Variants in HSD11B2 observed in about 807,000 individuals in gnomAD.
The protein encoded by HSD11B2 is 11-beta-hydroxysteroid dehydrogenase type 2.
A neutral mutation model predicts 20.9 loss-of-function variants in HSD11B2; 17 were observed. The ratio of observed to expected loss-of-function variants is 0.81; its 90% confidence interval spans 0.56 to 1.22. The LOEUF is 1.22. HSD11B2 is among the 50% of genes most tolerant of loss of function. The pLI, the probability that HSD11B2 is intolerant of heterozygous loss-of-function variation, is 0.00. For missense variants in HSD11B2, 480 were observed against 563.6 expected (o/e 0.85, Z 1.50); for synonymous variants, 253 against 255.4 (o/e 0.99, Z 0.09).
rs766239000 is a variant in HSD11B2 at position 67,436,720 on chromosome 16, G to A, written c.935G>A (p.Arg312His). ...CATGGGCAGTTCCTGCACTCGCTAC[G>A]CCTGGCCATGTCCGACCTCACCCCA... The part of the protein sequence containing the change: ...HLHGQFLHSL[R>H]LAMSDLTPVV... Residue 312 changes from arginine to histidine, a missense_variant, in exon 5 of 5, where the codon CGC (arginine) becomes CAC (histidine). By Grantham distance (29) the Arg-to-His change is conservative. Transcript: ENST00000326152. This position sits in a 1 kb window ranked among gnomAD's most constrained non-coding sequence, Gnocchi z 5.7. 63 of 1,614,106 alleles carry A rather than the reference G, an allele frequency of 3.9e-5. No homozygotes were observed. Among genetic ancestry groups the A allele is most frequent in the Non-Finnish European group, 4.6e-5 (54 of 1,180,028 alleles).
Position 67,436,496 on chromosome 16 carries a change from T to C in HSD11B2, c.803-92T>C. The C allele has an allele frequency of 6.4e-7, 1 of 1,556,408 alleles. No individual in the cohort carries two copies. The highest frequency in any genetic ancestry group is 8.7e-7 in the Non-Finnish European group (1 of 1,144,812). ...GTCATGGTTTTGGTTGGGGGTGTAG[T>C]TTTGGCTGCAGACCTGGCGCGGGTT... is the stretch of plus-strand genomic sequence containing the variant. On this transcript the variant is annotated intron_variant, in intron 4 of 4. Coordinates refer to ENST00000326152, the MANE Select transcript of HSD11B2 (RefSeq NM_000196.4). This position sits in a 1 kb window ranked among gnomAD's most constrained non-coding sequence, Gnocchi z 5.7.
rs947889561 is a variant in HSD11B2 at position 67,436,782 on chromosome 16, C to T, written c.997C>T (p.Arg333Trp). ...CATCACAGATGCGCTGCTGGCAGCT[C>T]GGCCCCGCCGCCGCTATTACCCCGG... ...DAITDALLAA[R>W]PRRRYYPGQG... The change falls in exon 5 of 5, where the codon CGG becomes TGG. Residue 333 changes from arginine (R) to tryptophan (W), a missense_variant. Physicochemically the swap from Arg to Trp is moderately radical, Grantham distance 101. This residue lies in a region of HSD11B2 where 374 missense variants were observed against 480.9 expected (regional missense o/e 0.78). Coordinates refer to ENST00000326152, the MANE Select transcript of HSD11B2 (RefSeq NM_000196.4). This position sits in a 1 kb window ranked among gnomAD's most constrained non-coding sequence, Gnocchi z 5.7. The T allele has an allele frequency of 7.4e-6, 12 of 1,613,514 alleles. No individual in the cohort carries two copies. Among genetic ancestry groups the T allele is most frequent in the African/African-American group, 6.7e-5 (5 of 74,932 alleles).
In HSD11B2 at chr16:67,431,569, A is replaced by C. The variant is rs1442162505; in HGVS notation, c.265+56A>C. ...TCCAGGCTCGAGGGCGGGACTGGAC[A>C]CTCAACAGGACTGACTCCCCATGGG... is the stretch of plus-strand genomic sequence containing the variant. On this transcript the variant is annotated intron_variant, in intron 1 of 4. Transcript: ENST00000326152. 1.3e-5 allele frequency: 16 copies of C among 1,263,022 alleles called. No individual in the cohort carries two copies. In the African/African-American group the frequency reaches 2.2e-4, roughly 17 times the overall value. 78.2% of individuals were successfully genotyped at this position (1,263,022 alleles called of 1,614,324 possible).
In HSD11B2 at chr16:67,436,477, G is replaced by T; in HGVS notation, c.802+91G>T. The T allele has an allele frequency of 1.3e-6, 2 of 1,541,266 alleles. No homozygotes were observed. Among genetic ancestry groups the T allele is most frequent in the Non-Finnish European group, 1.8e-6 (2 of 1,135,298 alleles). ...AGGTCAGGTTTGATGAATGGTCATGGTTTTGGTTGGGGGTGTAGTTTTGGC... is the reference window on the plus strand; with the variant it reads ...AGGTCAGGTTTGATGAATGGTCATGTTTTTGGTTGGGGGTGTAGTTTTGGC... On this transcript the variant is annotated intron_variant, in intron 4 of 4. Coordinates refer to ENST00000326152, the MANE Select transcript of HSD11B2 (RefSeq NM_000196.4). This position sits in a 1 kb window ranked among gnomAD's most constrained non-coding sequence, Gnocchi z 5.7.
chr16:67,432,369 C>T (rs1323942883), intron 1 of HSD11B2, among the ~76,000 whole-genome samples: 1 of 152,142 alleles, frequency 6.6e-6, no homozygotes, highest in Non-Finnish European at 1.5e-5. Context: ...CCAATACCCA[C>T]GGCTTTGGAC....
chr16:67,435,420 A>T (rs1203339667), intron 1 of HSD11B2: 1 of 660,654 alleles, frequency 1.5e-6, no homozygotes, highest in Non-Finnish European at 2.8e-6. Context: ...AGTCAGGCAG[A>T]TGACAGCTGT....
chr16:67,432,263 G>GT (rs886103353), intron 1 of HSD11B2, among the ~76,000 whole-genome samples: 1 of 152,188 alleles, frequency 6.6e-6, no homozygotes, highest in East Asian at 1.9e-4. Flanking sequence ...AGGGGAAGGG[G>GT]GGGGGGGGCT....
chr16:67,436,951 CAGCCCAGGACCCAAACCTG>C lies in HSD11B2; in HGVS notation c.1172_1190del (p.Gln391ProfsTer72). The C allele has an allele frequency of 6.2e-7, 1 of 1,611,742 alleles. No homozygotes were observed. The highest frequency in any genetic ancestry group is 8.5e-7 in the Non-Finnish European group (1 of 1,180,018). On this transcript the variant is annotated frameshift_variant, in exon 5 of 5. Transcript: ENST00000326152. LOFTEE classifies it high-confidence loss of function. This position sits in a 1 kb window ranked among gnomAD's most constrained non-coding sequence, Gnocchi z 5.7. Reference sequence around the variant, plus strand: ...CCTGGCACTACCCCACCACAGGACGCAGCCCAGGACCCAAACCTGAGCCCCGGCCCTTCCCCAGCAGTGG... The same window carrying C: ...CCTGGCACTACCCCACCACAGGACGCAGCCCCGGCCCTTCCCCAGCAGTGG...
At position 67,437,000 on chromosome 16, in the gene HSD11B2, G is replaced by A. The variant is rs769638876; in HGVS notation, c.1215G>A (p.Arg405=). 1.2e-6 allele frequency: 2 copies of A among 1,607,120 alleles called. No individual in the cohort carries two copies. The highest frequency in any genetic ancestry group is 3.3e-5 in the Admixed American group (2 of 60,002). ...LSPGPSPAVA[R] is the part of the protein sequence containing the mutation. ...CCGGCCCTTCCCCAGCAGTGGCTCG[G>A]TGAGCCATGTGCACCTATGGCCCAG... Residue 405 remains arginine (R), a synonymous_variant, in exon 5 of 5, where the codon CGG becomes CGA. Transcript: ENST00000326152. This position sits in a 1 kb window ranked among gnomAD's most constrained non-coding sequence, Gnocchi z 5.7.
chr16:67,431,386 G>A lies in HSD11B2; in HGVS notation c.138G>A (p.Trp46Ter). The stretch of plus-strand genomic sequence containing the variant: ...TGGCGCTGCTGGCCGCGCTCGACTG[G>A]CTGTGCCAGCGCCTGCTGCCCCCGC... ...AALALLAALD[W>*]LCQRLLPPPA... The change falls in exon 1 of 5, where the codon TGG becomes TGA. Residue 46 changes from tryptophan (W) to a stop codon, truncating the protein, a stop_gained. Coordinates refer to ENST00000326152, the MANE Select transcript of HSD11B2 (RefSeq NM_000196.4). LOFTEE classifies it high-confidence loss of function. 7.9e-7 allele frequency: 1 copy of A among 1,270,230 alleles called. No individual in the cohort carries two copies. Among genetic ancestry groups the A allele is most frequent in the Non-Finnish European group, 1.0e-6 (1 of 1,004,132 alleles). The allele number at this position is 1,270,230 out of a possible 1,614,324, so 78.7% of individuals were successfully genotyped here. A position where few individuals can be genotyped will look rare whatever the true frequency, so the allele number is the denominator to read the frequency against.
At position 67,436,546 on chromosome 16, in the gene HSD11B2, C is replaced by A. The variant is rs772668004; in HGVS notation, c.803-42C>A. ...TAAACAGTCCTAATTGGCTTTGGCT[C>A]CCCTAGCTGATCCCACTCTGACCTT... is the stretch of plus-strand genomic sequence containing the variant. On this transcript the variant is annotated intron_variant, in intron 4 of 4. Coordinates refer to ENST00000326152, the MANE Select transcript of HSD11B2 (RefSeq NM_000196.4). This position sits in a 1 kb window ranked among gnomAD's most constrained non-coding sequence, Gnocchi z 5.7. 1.2e-6 allele frequency: 2 copies of A among 1,611,570 alleles called. No homozygotes were observed. The highest frequency in any genetic ancestry group is 1.7e-6 in the Non-Finnish European group (2 of 1,178,724).
upstream of HSD11B2, among the ~76,000 whole-genome samples, chr16:67,429,839 C>T (rs2040916869): frequency 6.6e-6 from 1 of 152,160 alleles, no homozygotes; most frequent in Admixed American, 6.5e-5. Context: ...TGTCTGGTGG[C>T]AGAGAGGGCT....
Position 67,435,774 on chromosome 16 carries a change from G to A in HSD11B2, c.412G>A (p.Asp138Asn), listed in dbSNP as rs367611152. 1.4e-5 allele frequency: 23 copies of A among 1,613,998 alleles called. No homozygotes were observed. The highest frequency in any genetic ancestry group is 6.8e-6 in the Non-Finnish European group (8 of 1,180,040). Reference sequence around the variant, plus strand: ...CCCTCGCCTAAGGCTGCTGCAGATGGACCTGACCAAACCAGGAGACATTAG... The same window carrying A: ...CCCTCGCCTAAGGCTGCTGCAGATGAACCTGACCAAACCAGGAGACATTAG... ...CSPRLRLLQMDLTKPGDISRV... is the reference protein window; with the variant it reads ...CSPRLRLLQMNLTKPGDISRV... Residue 138 changes from aspartate (D) to asparagine (N), a missense_variant, in exon 2 of 5, where the codon GAC becomes AAC. This residue lies in a region of HSD11B2 where 374 missense variants were observed against 480.9 expected (regional missense o/e 0.78). Transcript: ENST00000326152.
intron 1 of HSD11B2, 48 bp from the exon 2 acceptor site, chr16:67,435,580 C>A: frequency 6.7e-7 from 1 of 1,496,798 alleles, no homozygotes. Context: ...TTGTCTCAGG[C>A]TAGGCTGGGC....
Position 67,431,201 on chromosome 16 carries a change from TCCCCGGCCCGGCCCCCG to T in HSD11B2, c.-42_-26del, listed in dbSNP as rs2142284398. Reference sequence around the variant, plus strand: ...CGGCCTAGAAGCTCTCTCTCCCCGCTCCCCGGCCCGGCCCCCGCCCCGCCCCGCCCCAGCCCGCTGGG... The same window carrying T: ...CGGCCTAGAAGCTCTCTCTCCCCGCTCCCCGCCCCGCCCCAGCCCGCTGGG... On this transcript the variant is annotated 5_prime_UTR_variant, in exon 1 of 5. Coordinates refer to ENST00000326152, the MANE Select transcript of HSD11B2 (RefSeq NM_000196.4). The T allele has an allele frequency of 9.3e-7, 1 of 1,077,028 alleles. No homozygotes were observed. Among genetic ancestry groups the T allele is most frequent in the African/African-American group, 1.7e-5 (1 of 58,960 alleles). 66.7% of individuals were successfully genotyped at this position (1,077,028 alleles called of 1,614,324 possible).
At position 67,436,065 on chromosome 16, in the gene HSD11B2, C is replaced by A; in HGVS notation, c.587C>A (p.Ala196Glu). Residue 196 changes from alanine (A) to glutamate (E), a missense_variant, in exon 3 of 5, where the codon GCG becomes GAG. Ala to Glu is a moderately radical substitution (Grantham distance 107, BLOSUM62 -1). This residue lies in a region of HSD11B2 where 374 missense variants were observed against 480.9 expected (regional missense o/e 0.78). Transcript: ENST00000326152. This position sits in a 1 kb window ranked among gnomAD's most constrained non-coding sequence, Gnocchi z 5.7. ...TGCATGGAGGTGAATTTCTTTGGCG[C>A]GCTCGAGCTGACCAAGGGCCTCCTG... The part of the protein sequence containing the change: ...RSCMEVNFFG[A>E]LELTKGLLPL... 5 of 1,614,210 alleles carry A rather than the reference C, an allele frequency of 3.1e-6. No homozygotes were observed. Among genetic ancestry groups the A allele is most frequent in the Non-Finnish European group, 4.2e-6 (5 of 1,180,048 alleles).
intron 1 of HSD11B2, chr16:67,432,510 A>G (rs971925786): frequency 2.0e-5 from 3 of 152,260 alleles, no homozygotes; most frequent in African/African-American, 7.2e-5. Context: ...GGAGGAGGAA[A>G]TCCTTGAGTG....
At position 67,436,670 on chromosome 16, in the gene HSD11B2, C is replaced by T. The variant is rs1266286126; in HGVS notation, c.885C>T (p.Tyr295=). ...ANLPQELLQA[Y]GKDYIEHLHG... ...TGCCTCAAGAGCTGCTGCAGGCCTA[C>T]GGCAAGGACTACATCGAGCACTTGC... is the stretch of plus-strand genomic sequence containing the variant. Residue 295 remains tyrosine, a synonymous_variant, in exon 5 of 5, where the codon TAC becomes TAT. Coordinates refer to ENST00000326152, the MANE Select transcript of HSD11B2 (RefSeq NM_000196.4). This position sits in a 1 kb window ranked among gnomAD's most constrained non-coding sequence, Gnocchi z 5.7. The T allele has an allele frequency of 8.1e-6, 13 of 1,614,176 alleles. No individual in the cohort carries two copies. The highest frequency in any genetic ancestry group is 6.7e-5 in the East Asian group (3 of 44,882).
Position 67,435,982 on chromosome 16 carries a change from A to G in HSD11B2, c.504A>G (p.Ala168=), listed in dbSNP as rs2040967235. ...GCCTGTGGGGCCTCGTCAACAACGC[A>G]GGCCACAATGAAGTAGTTGCTGATG... ...STGLWGLVNN[A]GHNEVVADAE... is the part of the protein sequence containing the mutation. The change falls in exon 3 of 5, where the codon GCA becomes GCG. Residue 168 remains alanine, a synonymous_variant. Coordinates refer to ENST00000326152, the MANE Select transcript of HSD11B2 (RefSeq NM_000196.4). 1.2e-6 allele frequency: 2 copies of G among 1,614,062 alleles called. No individual in the cohort carries two copies. Among genetic ancestry groups the G allele is most frequent in the Non-Finnish European group, 1.7e-6 (2 of 1,180,032 alleles).
Sources: allele counts gnomAD v4.1 joint callset (sites outside exome capture counted in the v4.1 genomes callset), GRCh38; gene constraint gnomAD v4.1.1; regional missense constraint gnomAD v4.1.1; non-coding constraint Gnocchi (gnomAD v3.1); transcripts MANE v1.5; gene names NCBI Gene and HGNC (gene_info 2026-07-23, HGNC 2026-07-21).